GRM7: variants seen among roughly 807,000 people sequenced by gnomAD.
The protein encoded by GRM7 is metabotropic glutamate receptor 7.
GRM7 carries 35 observed loss-of-function variants against 84.5 expected under a neutral mutation model. That is an observed-to-expected ratio of 0.41 (90% CI 0.32 to 0.55). The LOEUF (loss-of-function observed/expected upper bound fraction) is 0.55, where lower values mean the gene tolerates loss of function less well. Ranked by LOEUF, GRM7 falls within the 20% of genes least tolerant of loss-of-function variation. The pLI is 0.19. For synonymous variants in GRM7, 487 were observed against 455.1 expected (o/e 1.07, Z -0.89); for missense variants, 1,003 against 1,194.6 (o/e 0.84, Z 2.36).
intron 1 of GRM7, among the ~76,000 whole-genome samples, chr3:7,078,513 C>G (rs1698170725): frequency 6.6e-6 from 1 of 152,164 alleles, no homozygotes; most frequent in Non-Finnish European, 1.5e-5. Context: ...CTAGAATAAT[C>G]ACTCCATCAT....
chr3:7,371,564 G>A (rs1023205476), intron 4 of GRM7, among the ~76,000 whole-genome samples: 1 of 152,064 alleles, frequency 6.6e-6, no homozygotes, highest in Non-Finnish European at 1.5e-5. Context: ...AATGTGCTAG[G>A]GCCAATACTG....
chr3:7,481,027 A>G (rs1699107338), intron 7 of GRM7, among the ~76,000 whole-genome samples: 1 of 152,152 alleles, frequency 6.6e-6, no homozygotes. Flanking sequence ...GCAAACACGG[A>G]CAGGGCCATT....
intron 1 of GRM7, among the ~76,000 whole-genome samples, chr3:7,084,839 T>A (rs1698388257): frequency 2.0e-5 from 3 of 152,152 alleles, no homozygotes; most frequent in African/African-American, 7.2e-5. Context: ...TAGGACAGCA[T>A]TTAAAAAATT....
chr3:7,723,534 C>A (rs1702023044), intron 9 of GRM7, among the ~76,000 whole-genome samples: 1 of 152,106 alleles, frequency 6.6e-6, no homozygotes, highest in Non-Finnish European at 1.5e-5. Context: ...GCTATAACCC[C>A]ATCAATCTGA....
intron 1 of GRM7, among the ~76,000 whole-genome samples, chr3:6,877,878 A>G (rs1695373253): frequency 6.6e-6 from 1 of 151,634 alleles, no homozygotes; most frequent in African/African-American, 2.4e-5. Flanking sequence ...GTAAATTACA[A>G]ATGAAATTGT....
chr3:7,146,716 G>A, intron 2 of GRM7, 48 bp downstream of exon 2: 1 of 1,322,424 alleles, frequency 7.6e-7, no homozygotes, highest in Non-Finnish European at 1.1e-6. Context: ...AAACGTCTGT[G>A]GCTTGTAGAG....
chr3:7,377,438 C>T (rs1236529746), intron 4 of GRM7, among the ~76,000 whole-genome samples: 1 of 152,174 alleles, frequency 6.6e-6, no homozygotes, highest in Non-Finnish European at 1.5e-5. Flanking sequence ...TTCTTCTAAA[C>T]TGCTTAAGAC....
chr3:7,248,712 C>G (rs987754080), intron 2 of GRM7, among the ~76,000 whole-genome samples: 1 of 151,946 alleles, frequency 6.6e-6, no homozygotes, highest in African/African-American at 2.4e-5. Flanking sequence ...ATATTAGTGC[C>G]AAATAATGGC....
At chr3:7,527,113 G>A (rs1290640678) in intron 7 of GRM7, among the ~76,000 whole-genome samples, 1 of 151,870 alleles carries the variant, frequency 6.6e-6, no homozygotes, top group African/African-American at 2.4e-5. Flanking sequence ...ACATTGCTTT[G>A]AGCAGCATGA....
intron 7 of GRM7, among the ~76,000 whole-genome samples, chr3:7,528,329 C>T (rs1700890133): frequency 1.3e-5 from 2 of 152,030 alleles, no homozygotes; most frequent in Non-Finnish European, 2.9e-5. Flanking sequence ...TCATAATAGT[C>T]TCTGAGAATC....
chr3:7,729,869 CTT>C (rs1168461157), intron 9 of GRM7, among the ~76,000 whole-genome samples: 3,880 of 69,636 alleles, frequency 0.056, 23 homozygotes, highest in Non-Finnish European at 0.067. Context: ...CCACCTCCGG[CTT>C]TTTTTTTTTT....
chr3:7,532,908 C>A (rs1238411825), intron 7 of GRM7, among the ~76,000 whole-genome samples: 17 of 145,536 alleles, frequency 1.2e-4, no homozygotes, highest in Admixed American at 2.7e-4. Context: ...AATGGCATTA[C>A]TTACATAATG....
intron 1 of GRM7, among the ~76,000 whole-genome samples, chr3:7,065,143 T>G (rs1434060053): frequency 6.6e-6 from 1 of 152,044 alleles, no homozygotes; most frequent in Non-Finnish European, 1.5e-5. Context: ...GTGGGTTGTC[T>G]ATTTAGTTTG....
At position 7,354,276 on chromosome 3, in the gene GRM7, C is replaced by CTGAAA. The variant is rs1693289352; in HGVS notation, c.1033+47625_1033+47629dup. On this transcript the variant is annotated intron_variant, in intron 4 of 9. Coordinates refer to ENST00000357716, the MANE Select transcript of GRM7 (RefSeq NM_000844.4). ...TGAACTGACACTGATTCCAGGAGAC[C>CTGAAA]TGAAAAGTTAGTATGGCCCTCTAAT... 3.3e-5 allele frequency among the ~76,000 whole-genome samples: 5 copies of CTGAAA among 152,210 alleles called. 1 individual carries two copies. In the South Asian group the frequency reaches 1.0e-3, roughly 32 times the overall value.
chr3:7,456,825 G>A (rs1698036658), intron 6 of GRM7, among the ~76,000 whole-genome samples: 1 of 152,056 alleles, frequency 6.6e-6, no homozygotes, highest in Admixed American at 6.6e-5. Context: ...ATTCATGGAT[G>A]ACAGTGCTCA....
Position 7,486,924 on chromosome 3 carries a change from AGAATACTAGG to A in GRM7, c.1515+25206_1515+25215del, listed in dbSNP as rs1475571315. Among the ~76,000 whole-genome samples, 1 of 152,220 alleles carries A rather than the reference AGAATACTAGG, an allele frequency of 6.6e-6. No homozygotes were observed. Among genetic ancestry groups the A allele is most frequent in the Non-Finnish European group, 1.5e-5 (1 of 68,046 alleles). ...GATTCTTGTGAGGACATAGAAGACG[AGAATACTAGG>A]GAAAGTTTGGAACTTCTTAGAGATT... is the stretch of plus-strand genomic sequence containing the variant. On this transcript the variant is annotated intron_variant, in intron 7 of 9. Coordinates refer to ENST00000357716, the MANE Select transcript of GRM7 (RefSeq NM_000844.4). The surrounding 1 kb of genome is among the most constrained non-coding windows in gnomAD (Gnocchi z 5.5).
At chr3:6,913,512 T>C (rs1191805442) in intron 1 of GRM7, among the ~76,000 whole-genome samples, 1 of 152,170 alleles carries the variant, frequency 6.6e-6, no homozygotes, top group Non-Finnish European at 1.5e-5. Context: ...CCAGGGAACT[T>C]TGCCAATTTG....
chr3:7,269,266 T>C (rs192470319), intron 2 of GRM7, among the ~76,000 whole-genome samples: 5 of 152,182 alleles, frequency 3.3e-5, no homozygotes, highest in Non-Finnish European at 7.4e-5. Flanking sequence ...CAGACGAAAT[T>C]TAAACAAGAA....
At chr3:7,534,259 C>T (rs908791373) in intron 7 of GRM7, among the ~76,000 whole-genome samples, 1 of 152,132 alleles carries the variant, frequency 6.6e-6, no homozygotes, top group Non-Finnish European at 1.5e-5. Context: ...ACTAATCTGC[C>T]TTCTTCAGCC....
Sources: gnomAD v4.1 joint callset for allele counts (sites outside exome capture counted in the v4.1 genomes callset) on GRCh38, gnomAD v4.1.1 for gene constraint, Gnocchi (gnomAD v3.1) non-coding constraint, MANE v1.5 for transcripts, NCBI Gene and HGNC (gene_info 2026-07-23, HGNC 2026-07-21) for gene names.